The following FAF1 variants were observed in gnomAD, a reference collection of about 807,000 sequenced individuals.
FAF1 encodes FAS-associated factor 1.
FAF1 carries 25 observed loss-of-function variants against 92.5 expected under a neutral mutation model. The ratio of observed to expected loss-of-function variants is 0.27; its 90% CI spans 0.20 to 0.38. The LOEUF (loss-of-function observed/expected upper bound fraction) is 0.38. FAF1 is among the 10% of genes least tolerant of loss of function. The pLI, the probability that FAF1 is intolerant of heterozygous loss-of-function variation, is 1.00. For synonymous variants in FAF1, 234 were observed against 273.2 expected (o/e 0.86, Z 1.42); for missense variants, 636 against 793.3 (o/e 0.80, Z 2.38).
chr1:50,734,067 G>T (rs550281689), intron 6 of FAF1, among the ~76,000 whole-genome samples: 2 of 152,222 alleles, frequency 1.3e-5, no homozygotes, highest in Non-Finnish European at 2.9e-5. Context: ...AAAGTGTTGG[G>T]AATACAGGCG....
At chr1:50,579,796 G>GT (rs1213017365) in intron 12 of FAF1, among the ~76,000 whole-genome samples, 2 of 152,080 alleles carry the variant, frequency 1.3e-5, no homozygotes, top group Non-Finnish European at 2.9e-5. Flanking sequence ...TGCTTAAAAG[G>GT]TATTTAAGAT....
chr1:50,669,744 C>A (rs774832041), intron 7 of FAF1, among the ~76,000 whole-genome samples: 18 of 152,184 alleles, frequency 1.2e-4, no homozygotes, highest in Admixed American at 2.6e-4. Context: ...TAAAAATGTT[C>A]TTTGTGCTGT....
chr1:50,692,428 C>T (rs754537620), intron 7 of FAF1, among the ~76,000 whole-genome samples: 1 of 152,108 alleles, frequency 6.6e-6, no homozygotes, highest in Non-Finnish European at 1.5e-5. Context: ...CTTTGACCAA[C>T]ATCTCCGCTT....
intron 1 of FAF1, among the ~76,000 whole-genome samples, chr1:50,905,195 G>A (rs1182295410): frequency 6.6e-6 from 1 of 152,102 alleles, no homozygotes; most frequent in African/African-American, 2.4e-5. Flanking sequence ...CTTCATCCGT[G>A]TCCCTACAAA....
chr1:50,779,886 C>G (rs539421547), intron 4 of FAF1, among the ~76,000 whole-genome samples: 1 of 151,460 alleles, frequency 6.6e-6, no homozygotes, highest in African/African-American at 2.4e-5. Flanking sequence ...AATTCAAGAC[C>G]AGCCTGGGCC....
chr1:50,591,894 T>C (rs1651533656), intron 9 of FAF1, among the ~76,000 whole-genome samples: 1 of 152,198 alleles, frequency 6.6e-6, no homozygotes, highest in African/African-American at 2.4e-5. Context: ...CCTTTGATTC[T>C]TTATTTGGCT....
chr1:50,447,121 C>CTTT lies in FAF1; in HGVS notation c.1870-5601_1870-5599dup, dbSNP rs61612294. Among the ~76,000 whole-genome samples the CTTT allele has an allele frequency of 2.7e-3, 300 of 112,820 alleles. 11 individuals are homozygous for CTTT. Among genetic ancestry groups the CTTT allele is most frequent in the African/African-American group, 6.7e-3 (181 of 26,900 alleles). The allele number at this position is 112,820 out of a possible 152,430, so 74.0% of individuals were successfully genotyped here. On this transcript the variant is annotated intron_variant, in intron 18 of 18. Coordinates refer to ENST00000396153, the MANE Select transcript of FAF1 (RefSeq NM_007051.3). ...AGAGGCTTCTCAAAACATATTCCTG[C>CTTT]TTTTTTTTTTTTTTTTTTTTTTGAG... is the stretch of plus-strand genomic sequence containing the variant.
chr1:50,782,361 G>A (rs563600960), intron 4 of FAF1, among the ~76,000 whole-genome samples: 1 of 152,002 alleles, frequency 6.6e-6, no homozygotes, highest in African/African-American at 2.4e-5. Flanking sequence ...CCTGTGGTAG[G>A]CCTAGGTAAT....
At chr1:50,750,749 G>A (rs994670970) in intron 4 of FAF1, among the ~76,000 whole-genome samples, 9 of 149,872 alleles carry the variant, frequency 6.0e-5, no homozygotes, top group African/African-American at 9.8e-5. Context: ...TCTGCCTCCC[G>A]AGTAGCTGGA....
At chr1:50,708,155 T>C (rs1001060306) in intron 6 of FAF1, among the ~76,000 whole-genome samples, 4 of 152,172 alleles carry the variant, frequency 2.6e-5, no homozygotes, top group African/African-American at 9.7e-5. Flanking sequence ...ATGACTTACA[T>C]TTACATTTAT....
intron 2 of FAF1, among the ~76,000 whole-genome samples, chr1:50,835,985 G>A (rs60483827): frequency 0.066 from 10,070 of 151,994 alleles, 412 homozygotes; most frequent in East Asian, 0.094. Flanking sequence ...GGGAAGTCTG[G>A]GCACAAAAGT....
chr1:50,636,782 A>G (rs1345194673), intron 8 of FAF1, among the ~76,000 whole-genome samples: 3 of 152,032 alleles, frequency 2.0e-5, no homozygotes, highest in African/African-American at 7.2e-5. Flanking sequence ...TTCCTATCCC[A>G]AGATTTTCTC....
chr1:50,635,637 G>C (rs1419921461), intron 8 of FAF1, among the ~76,000 whole-genome samples: 1 of 152,108 alleles, frequency 6.6e-6, no homozygotes, highest in East Asian at 1.9e-4. Context: ...TGTTGCCCAG[G>C]CTTGTCTCGA....
Position 50,590,539 on chromosome 1 carries a change from T to A in FAF1, c.840+5582A>T, listed in dbSNP as rs187761429. The stretch of plus-strand genomic sequence containing the variant: ...TCATTTTTTAGTTCCAATAGTTTTT[T>A]AAAAATGTAATCTTTGGAGTTGTCT... On this transcript the variant is annotated intron_variant, in intron 9 of 18. Transcript: ENST00000396153. Among the ~76,000 whole-genome samples, 769 of 152,358 alleles carry A rather than the reference T, an allele frequency of 5.0e-3. 6 individuals are homozygous for A. Among genetic ancestry groups the A allele is most frequent in the South Asian group, 9.5e-3 (46 of 4,828 alleles).
intron 1 of FAF1, among the ~76,000 whole-genome samples, chr1:50,912,272 T>G (rs917545675): frequency 2.0e-5 from 3 of 152,174 alleles, no homozygotes; most frequent in Non-Finnish European, 2.9e-5. Context: ...TACATCAGAT[T>G]TACCTGAGAT....
intron 6 of FAF1, among the ~76,000 whole-genome samples, chr1:50,737,367 G>T (rs1444664435): frequency 6.6e-6 from 1 of 152,152 alleles, no homozygotes; most frequent in African/African-American, 2.4e-5. Context: ...GAAAGCAACA[G>T]ATTATAAACA....
chr1:50,606,244 C>T (rs1652387225), intron 8 of FAF1, among the ~76,000 whole-genome samples: 2 of 152,036 alleles, frequency 1.3e-5, no homozygotes, highest in African/African-American at 4.8e-5. Flanking sequence ...CAACTTATGT[C>T]AATTAAATTT....
At chr1:50,731,731 G>A (rs1658934206) in intron 6 of FAF1, among the ~76,000 whole-genome samples, 1 of 152,014 alleles carries the variant, frequency 6.6e-6, no homozygotes, top group African/African-American at 2.4e-5. Context: ...CATTTTGGCT[G>A]TATCCACAGT....
At chr1:50,578,974 A>G (rs974380134) in intron 12 of FAF1, among the ~76,000 whole-genome samples, 7 of 152,150 alleles carry the variant, frequency 4.6e-5, no homozygotes, top group Admixed American at 4.6e-4. Context: ...ACAAAGAAAT[A>G]AAGACATTTT....
Sources: allele counts gnomAD v4.1 joint callset (sites outside exome capture counted in the v4.1 genomes callset), GRCh38; gene constraint gnomAD v4.1.1; transcripts MANE v1.5; gene names NCBI Gene and HGNC (gene_info 2026-07-23, HGNC 2026-07-21).